The following ZNF117 variants were observed in gnomAD, a reference collection of about 807,000 sequenced individuals.
ZNF117 encodes the protein zinc finger protein 117, also known as Krueppel-related zinc finger protein.
In ZNF117, 37 loss-of-function variants were observed where a neutral mutation model predicts 41.2. The observed-to-expected ratio is 0.90, with a 90% CI of 0.69 to 1.18. The LOEUF is 1.18. Among genes scored for constraint, ZNF117 ranks in the 50% most tolerant of loss-of-function variants. ZNF117 has a pLI of 0.00. For synonymous variants in ZNF117, 186 were observed against 186.6 expected (o/e 1.00, Z 0.02); for missense variants, 546 against 557.5 (o/e 0.98, Z 0.21).
chr7:64,989,775 A>AAAGAAG (rs56156830), intron 1 of ZNF117, among the ~76,000 whole-genome samples, 172 bp downstream of exon 1: 1 of 150,524 alleles, frequency 6.6e-6, no homozygotes, highest in African/African-American at 2.4e-5. Flanking sequence ...TTTTAAAAAA[A>AAAGAAG]AAGAAGAAGA....
chr7:64,987,535 T>G (rs1562648282), intron 1 of ZNF117, among the ~76,000 whole-genome samples: 1 of 151,886 alleles, frequency 6.6e-6, no homozygotes, highest in African/African-American at 2.4e-5. Context: ...ATAAGCTAAA[T>G]AAACCACGAG....
exon 3 of ZNF117, chr7:64,975,006 A>G (rs1785849659): frequency 1.3e-5 from 1 of 74,822 alleles, no homozygotes; most frequent in South Asian, 5.9e-4. Context: ...AAATAAGAAA[A>G]AGAATAAAAA....
chr7:64,986,496 G>A (rs1786138564), upstream of ZNF117, among the ~76,000 whole-genome samples: 1 of 152,126 alleles, frequency 6.6e-6, no homozygotes, highest in African/African-American at 2.4e-5. Flanking sequence ...AGACAAAAAG[G>A]GGCAGGGGAA....
At chr7:64,973,164 G>A (rs1785808058), downstream of ZNF117, 1 of 151,748 alleles carries the variant, frequency 6.6e-6, no homozygotes. Context: ...AAATTCCTCG[G>A]AATTGTAATA....
At chr7:64,979,403 C>T (rs1252102359) in exon 3 of ZNF117, 1 of 1,610,762 alleles carries the variant, frequency 6.2e-7, no homozygotes, top group Non-Finnish European at 8.5e-7. Flanking sequence ...TACACTCAAC[C>T]ACACTTTTAC....
intron 1 of ZNF117, among the ~76,000 whole-genome samples, chr7:64,989,330 A>G (rs569144460): frequency 2.0e-5 from 3 of 150,970 alleles, no homozygotes; most frequent in Non-Finnish European, 3.0e-5. Flanking sequence ...TTAATAAATG[A>G]GGTTGGAATA....
upstream of ZNF117, among the ~76,000 whole-genome samples, chr7:64,986,483 CAT>C (rs1420602864): frequency 6.6e-6 from 1 of 151,952 alleles, no homozygotes; most frequent in Non-Finnish European, 1.5e-5. Flanking sequence ...CATAAGATAA[CAT>C]AGACAAAAAG....
In ZNF117 at chr7:64,979,258, C is replaced by A; in HGVS notation, c.313G>T (p.Glu105Ter). Reference sequence around the variant, plus strand: ...TCTTTACATTTAAAATGTTTATTTTCAGTATGTCTCATCTTGTGTCTATTT... The same window carrying A: ...TCTTTACATTTAAAATGTTTATTTTAAGTATGTCTCATCTTGTGTCTATTT... The change falls in exon 3 of 3, where the codon GAA (glutamate) becomes TAA (stop). Residue 105 changes from glutamate to a stop codon, truncating the protein, a stop_gained. Coordinates refer to ENST00000620222, the Ensembl canonical transcript of ZNF117. LOFTEE classifies it high-confidence loss of function. 1 of 1,606,704 alleles carries A rather than the reference C, an allele frequency of 6.2e-7. No homozygotes were observed. The highest frequency in any genetic ancestry group is 1.1e-5 in the South Asian group (1 of 89,438).
At chr7:64,982,604 A>G (rs914656663), upstream of ZNF117, among the ~76,000 whole-genome samples, 5 of 152,124 alleles carry the variant, frequency 3.3e-5, no homozygotes, top group Non-Finnish European at 7.4e-5. Context: ...AATAATGTCA[A>G]TGTTTTTGGC....
At chr7:64,988,561 CA>C (rs1388145065) in intron 1 of ZNF117, among the ~76,000 whole-genome samples, 1 of 152,288 alleles carries the variant, frequency 6.6e-6, no homozygotes, top group African/African-American at 2.4e-5. Context: ...TGTTTTCTCT[CA>C]CCACTCCTAT....
upstream of ZNF117, among the ~76,000 whole-genome samples, chr7:64,984,703 T>A (rs1037157022): frequency 1.3e-5 from 2 of 152,220 alleles, no homozygotes; most frequent in African/African-American, 4.8e-5. Flanking sequence ...GTACTAGTCA[T>A]AATGTACATA....
At chr7:64,981,112 A>G in intron 2 of ZNF117, 2 of 360,788 alleles carry the variant, frequency 5.5e-6, no homozygotes, top group African/African-American at 2.2e-5. Flanking sequence ...ACAAAAAAAA[A>G]CCAGTCAGAT....
At chr7:64,978,471 C>T (rs1298116960) in exon 3 of ZNF117, 1 of 1,613,418 alleles carries the variant, frequency 6.2e-7, no homozygotes, top group Non-Finnish European at 8.5e-7. Context: ...AAAGGCTTTG[C>T]CACATTCTCC....
At chr7:64,982,220 C>T (rs922072029), upstream of ZNF117, 15 of 478,438 alleles carry the variant, frequency 3.1e-5, no homozygotes, top group Admixed American at 4.8e-4. Context: ...GTAAAGAAAA[C>T]TGGTTCTGAC....
upstream of ZNF117, among the ~76,000 whole-genome samples, chr7:64,986,893 G>A (rs1230854132): frequency 6.6e-6 from 1 of 152,030 alleles, no homozygotes; most frequent in African/African-American, 2.4e-5. Context: ...ACATTTTTGA[G>A]GCAGAAAATT....
At chr7:64,979,606 C>A in intron 2 of ZNF117, 70 bp from the exon 4 acceptor site, 1 of 1,237,160 alleles carries the variant, frequency 8.1e-7, no homozygotes, top group Admixed American at 3.3e-5. Flanking sequence ...CAAATCTAAC[C>A]CATAAAGTTA....
upstream of ZNF117, among the ~76,000 whole-genome samples, chr7:64,987,103 T>C (rs1786152494): frequency 6.6e-6 from 1 of 152,120 alleles, no homozygotes; most frequent in South Asian, 2.1e-4. Flanking sequence ...CCACACACTC[T>C]GACCACAACT....
intron 2 of ZNF117, among the ~76,000 whole-genome samples, 175 bp from the exon 4 acceptor site, chr7:64,979,711 G>A (rs1474929428): frequency 6.6e-6 from 1 of 151,966 alleles, no homozygotes; most frequent in Non-Finnish European, 1.5e-5. Flanking sequence ...TGACCAAAAT[G>A]CATTTATAGA....
At chr7:64,973,783 TAAAA>T (rs968486761), downstream of ZNF117, 2 of 151,866 alleles carry the variant, frequency 1.3e-5, no homozygotes, top group African/African-American at 4.8e-5. Flanking sequence ...AATTAGGAAA[TAAAA>T]GAACCAAAAT....
Sources: gnomAD v4.1 joint callset for allele counts (sites outside exome capture counted in the v4.1 genomes callset) on GRCh38, gnomAD v4.1.1 for gene constraint, MANE v1.5 for transcripts, NCBI Gene and HGNC (gene_info 2026-07-23, HGNC 2026-07-21) for gene names.